GAS5: variants seen among roughly 807,000 people sequenced by gnomAD.
GAS5 encodes the protein growth arrest specific 5.
upstream of GAS5, chr1:173,868,057 A>T: frequency 5.8e-6 from 1 of 172,258 alleles, no homozygotes; most frequent in Non-Finnish European, 1.3e-5. Flanking sequence ...CGCTCCCGGC[A>T]GCGTCCGCTT....
At chr1:173,867,099 G>A, upstream of GAS5, 3 of 625,490 alleles carry the variant, frequency 4.8e-6, no homozygotes, top group Admixed American at 2.9e-5. Context: ...TTTTTTTAAA[G>A]AGTGTTCTTT....
At chr1:173,866,171 A>C (rs898875112) in intron 4 of GAS5, 3 of 466,306 alleles carry the variant, frequency 6.4e-6, no homozygotes, top group Non-Finnish European at 1.3e-5. Context: ...ATACAGTTTC[A>C]CTTACCATTT....
chr1:173,866,015 TATC>T (rs775264686), intron 4 of GAS5: 29 of 519,204 alleles, frequency 5.6e-5, no homozygotes, highest in Middle Eastern at 6.4e-4. Context: ...AGCATTTGCT[TATC>T]ATCATCCAGG....
intron 6 of GAS5, chr1:173,865,300 C>T (rs1233493233): frequency 6.7e-6 from 3 of 447,378 alleles, no homozygotes; most frequent in South Asian, 1.6e-5. Flanking sequence ...AATTTAATCT[C>T]CTTTACCAAT....
upstream of GAS5, chr1:173,867,798 A>G: frequency 3.9e-6 from 2 of 518,774 alleles, no homozygotes; most frequent in Non-Finnish European, 7.7e-6. Context: ...GTCGCAGCTT[A>G]GGTCACGCAT....
At position 173,864,165 on chromosome 1, in the gene GAS5, T is replaced by C. The variant is rs201905271; in HGVS notation, n.324+92A>G. 38 of 517,952 alleles carry C rather than the reference T, an allele frequency of 7.3e-5. 1 individual carries two copies. Among genetic ancestry groups the C allele is most frequent in the Non-Finnish European group, 1.2e-4 (31 of 259,010 alleles). The allele number at this position is 517,952 out of a possible 1,614,324, so 32.1% of individuals were successfully genotyped here. A position where few individuals can be genotyped will look rare whatever the true frequency, so the allele number is the denominator to read the frequency against. ...GGAATGCAGAATATCAGATATTTTA[T>C]TGTCATCAAGTAATCAGTGAGAGAG... On this transcript the variant is annotated intron_variant and non_coding_transcript_variant, in intron 7 of 7. Coordinates refer to ENST00000651080, the Ensembl canonical transcript of GAS5.
upstream of GAS5, chr1:173,868,449 G>A: frequency 6.5e-6 from 1 of 153,588 alleles, no homozygotes. Context: ...ACACCCCAGT[G>A]CCACTTCCCT....
chr1:173,865,298 C>A lies in GAS5; in HGVS notation n.276+173G>T, dbSNP rs1323604314. On this transcript the variant is annotated intron_variant and non_coding_transcript_variant, in intron 6 of 7. Coordinates refer to ENST00000651080, the Ensembl canonical transcript of GAS5. ...CTCTCCATACCTGTAGAAATTTAAT[C>A]TCCTTTACCAATAGGTAGTAATAGG... The A allele has an allele frequency of 6.9e-6, 3 of 437,724 alleles. No individual in the cohort carries two copies. In the East Asian group the frequency reaches 1.9e-4, roughly 27 times the overall value. 27.1% of individuals were successfully genotyped at this position (437,724 alleles called of 1,614,324 possible).
At chr1:173,866,294 C>G (rs1654608534) in intron 3 of GAS5, 1 of 513,962 alleles carries the variant, frequency 1.9e-6, no homozygotes, top group African/African-American at 1.9e-5. Flanking sequence ...CAAACCACAA[C>G]TACCCCAGAT....
chr1:173,867,160 A>AT (rs1490554659), upstream of GAS5: 1 of 582,562 alleles, frequency 1.7e-6, no homozygotes, highest in Non-Finnish European at 3.0e-6. Context: ...CATACCATTC[A>AT]TTATCTAGCG....
intron 6 of GAS5, chr1:173,865,295 A>T (rs2102679373): frequency 2.3e-6 from 1 of 434,782 alleles, no homozygotes; most frequent in Non-Finnish European, 4.6e-6. Context: ...GTAGAAATTT[A>T]ATCTCCTTTA....
upstream of GAS5, chr1:173,867,968 A>T (rs569483191): frequency 5.0e-5 from 17 of 338,712 alleles, no homozygotes; most frequent in Non-Finnish European, 9.4e-5. Flanking sequence ...ACCTCACAGG[A>T]GTCGACTCCT....
intron 7 of GAS5, chr1:173,863,936 T>C (rs1408748434): frequency 1.1e-5 from 3 of 276,198 alleles, no homozygotes; most frequent in Non-Finnish European, 2.2e-5. Context: ...GGAGACACTG[T>C]TTTAATCTTC....
At chr1:173,866,949 C>G (rs759569729) in intron 1 of GAS5, 1 of 765,482 alleles carries the variant, frequency 1.3e-6, no homozygotes, top group South Asian at 1.3e-5. Flanking sequence ...GAGACCACCT[C>G]TTAGATTTCA....
chr1:173,864,287 T>C, exon 7 of GAS5: 7 of 513,410 alleles, frequency 1.4e-5, no homozygotes, highest in South Asian at 2.8e-5. Flanking sequence ...TGCTTGCTTG[T>C]TGTGGTCATT....
rs1040795528 is a variant in GAS5 at position 173,864,026 on chromosome 1, T to C, written n.324+231A>G. ...TCACTTGAGCCCAGAAGTTTGAGGC[T>C]GTAGTAAGCTTCAAAGGCCACTGCA... is the stretch of plus-strand genomic sequence containing the variant. On this transcript the variant is annotated intron_variant and non_coding_transcript_variant, in intron 7 of 7. Coordinates refer to ENST00000651080, the Ensembl canonical transcript of GAS5. 25 of 364,890 alleles carry C rather than the reference T, an allele frequency of 6.9e-5. No homozygotes were observed. In the Admixed American group the frequency reaches 7.5e-4, roughly 11 times the overall value. The allele number at this position is 364,890 out of a possible 1,614,324, so 22.6% of individuals were successfully genotyped here. A position where few individuals can be genotyped will look rare whatever the true frequency, so the allele number is the denominator to read the frequency against.
At chr1:173,867,137 A>T, upstream of GAS5, 2 of 604,032 alleles carry the variant, frequency 3.3e-6, no homozygotes, top group Non-Finnish European at 5.9e-6. Flanking sequence ...TTTTAAACCA[A>T]TGATGCAGGT....
chr1:173,867,805 G>T (rs1176310183), upstream of GAS5: 1 of 517,840 alleles, frequency 1.9e-6, no homozygotes. Context: ...CTTAGGTCAC[G>T]CATGCACCAT....
chr1:173,865,470 C>T (rs1455046478), intron 6 of GAS5: 2 of 507,600 alleles, frequency 3.9e-6, no homozygotes, highest in African/African-American at 1.9e-5. Flanking sequence ...AAAACATGTA[C>T]CTTTAAAAGG....
Sources: allele counts gnomAD v4.1 joint callset, GRCh38; gene constraint gnomAD v4.1.1; transcripts MANE v1.5; gene names NCBI Gene and HGNC (gene_info 2026-07-23, HGNC 2026-07-21).